PRKCH: variants seen among roughly 807,000 people sequenced by gnomAD.
PRKCH encodes the protein protein kinase C eta type.
A neutral mutation model predicts 82.5 loss-of-function variants in PRKCH; 28 were observed. The ratio of observed to expected loss-of-function variants is 0.34; its 90% CI spans 0.25 to 0.47. The LOEUF is 0.47. Among genes scored for constraint, PRKCH ranks in the 20% least tolerant of loss-of-function variants. The pLI is 1.00. For synonymous variants in PRKCH, 322 were observed against 327.4 expected (o/e 0.98, Z 0.18); for missense variants, 705 against 881.8 (o/e 0.80, Z 2.54).
At chr14:61,203,478 A>G (rs1566779258) in intron 1 of PRKCH, among the ~76,000 whole-genome samples, 1 of 152,090 alleles carries the variant, frequency 6.6e-6, no homozygotes, top group Admixed American at 6.6e-5. Flanking sequence ...ACAGGACTGA[A>G]GATTTGTGAG....
At position 61,280,946 on chromosome 14, in the gene PRKCH, T is replaced by TATA. The variant is rs1407965306; in HGVS notation, c.-19+93279_-19+93281dup. 6.5e-7 allele frequency: 1 copy of TATA among 1,542,542 alleles called. No individual in the cohort carries two copies. Among genetic ancestry groups the TATA allele is most frequent in the Non-Finnish European group, 8.7e-7 (1 of 1,147,724 alleles). ...CAGTTACCGGTGCCCGGGTCGCCTGTATAGTCGTACTCCAGCTCCTTGATG... is the reference window on the plus strand; with the variant it reads ...CAGTTACCGGTGCCCGGGTCGCCTGTATAATAGTCGTACTCCAGCTCCTTGATG... On this transcript the variant is annotated intron_variant, in intron 1 of 3. Transcript: ENST00000555185. This position sits in a 1 kb window ranked among gnomAD's most constrained non-coding sequence, Gnocchi z 5.0.
intron 1 of PRKCH, among the ~76,000 whole-genome samples, chr14:61,211,304 A>G (rs887121404): frequency 1.3e-5 from 2 of 152,228 alleles, no homozygotes; most frequent in Admixed American, 1.3e-4. Flanking sequence ...CATGGCACCT[A>G]CGCCAACCTT....
intron 2 of PRKCH, among the ~76,000 whole-genome samples, chr14:61,403,763 A>G (rs1881791513): frequency 6.6e-6 from 1 of 152,166 alleles, no homozygotes; most frequent in Non-Finnish European, 1.5e-5. Flanking sequence ...TCGCTTACTG[A>G]CTAGCATTCT....
At chr14:61,265,962 G>T (rs1162969496) in intron 1 of PRKCH, among the ~76,000 whole-genome samples, 1 of 152,180 alleles carries the variant, frequency 6.6e-6, no homozygotes, top group African/African-American at 2.4e-5. Context: ...AAGCGTGGTG[G>T]CATGCGCCTG....
chr14:61,498,770 A>G lies in PRKCH; in HGVS notation c.1433+13114A>G, dbSNP rs142830571. 9.5e-3 allele frequency among the ~76,000 whole-genome samples: 1,442 copies of G among 152,222 alleles called. 11 individuals are homozygous for G. The highest frequency in any genetic ancestry group is 0.014 in the Non-Finnish European group (944 of 68,016). On this transcript the variant is annotated intron_variant, in intron 10 of 13. Coordinates refer to ENST00000332981, the MANE Select transcript of PRKCH (RefSeq NM_006255.5). ...ACCTTTGTGGCCTCACCTAGCCCCA[A>G]TTATCTCCCAAAGGCCCTACCTCCA...
chr14:61,498,593 G>C (rs1886764947), intron 10 of PRKCH, among the ~76,000 whole-genome samples: 1 of 152,104 alleles, frequency 6.6e-6, no homozygotes, highest in South Asian at 2.1e-4. Flanking sequence ...CCAAGATCTG[G>C]GTGCTGGCCA....
At chr14:61,497,756 G>A (rs994136640) in intron 10 of PRKCH, among the ~76,000 whole-genome samples, 10 of 152,034 alleles carry the variant, frequency 6.6e-5, no homozygotes, top group African/African-American at 2.2e-4. Context: ...GTCCTTTTCA[G>A]TATAAGAGGA....
At chr14:61,509,745 A>AAAAAT (rs370369701) in intron 10 of PRKCH, among the ~76,000 whole-genome samples, 1 of 151,894 alleles carries the variant, frequency 6.6e-6, no homozygotes, top group Admixed American at 6.6e-5. Flanking sequence ...ATAAATAAAT[A>AAAAAT]AAAATAAAAT....
intron 1 of PRKCH, chr14:61,298,445 A>G (rs2045422319): frequency 6.6e-6 from 1 of 151,938 alleles, no homozygotes; most frequent in African/African-American, 2.4e-5. Context: ...TCATCCCTCA[A>G]CTTACCCAGG....
chr14:61,189,409 C>T (rs1014979657), intron 1 of PRKCH, among the ~76,000 whole-genome samples: 4 of 152,130 alleles, frequency 2.6e-5, no homozygotes, highest in African/African-American at 9.7e-5. Flanking sequence ...TAAGATATTC[C>T]CCTTCTCGGA....
intron 10 of PRKCH, among the ~76,000 whole-genome samples, chr14:61,506,141 A>T (rs572549015): frequency 5.3e-5 from 8 of 152,106 alleles, no homozygotes; most frequent in Non-Finnish European, 1.0e-4. Context: ...CAGCATTAGA[A>T]TTTTACTACC....
chr14:61,206,966 C>G (rs997627423), intron 1 of PRKCH, among the ~76,000 whole-genome samples: 2 of 151,892 alleles, frequency 1.3e-5, no homozygotes, highest in African/African-American at 4.8e-5. Flanking sequence ...ATTAGCCAGA[C>G]GTGGTGGTGC....
Position 61,321,965 on chromosome 14 carries a change from A to G in PRKCH, c.-137A>G. ...ACGGAGGAGGCAGAATGGCCAGTCG[A>G]GGGGCGCTTAGGCGCTGCCTTTCCC... On this transcript the variant is annotated 5_prime_UTR_variant, in exon 1 of 14. Coordinates refer to ENST00000332981, the MANE Select transcript of PRKCH (RefSeq NM_006255.5). The surrounding 1 kb of genome is among the most constrained non-coding windows in gnomAD (Gnocchi z 4.1). 1.1e-6 allele frequency: 1 copy of G among 918,912 alleles called. No individual in the cohort carries two copies. The highest frequency in any genetic ancestry group is 1.6e-6 in the Non-Finnish European group (1 of 630,466). The allele number at this position is 918,912 out of a possible 1,614,324, so 56.9% of individuals were successfully genotyped here.
intron 2 of PRKCH, among the ~76,000 whole-genome samples, chr14:61,421,167 G>A (rs1882816236): frequency 6.6e-6 from 1 of 151,364 alleles, no homozygotes; most frequent in Non-Finnish European, 1.5e-5. Flanking sequence ...GAGTTCCCAG[G>A]ATGCTTTTTG....
chr14:61,279,833 C>T, intron 1 of PRKCH: 1 of 484,956 alleles, frequency 2.1e-6, no homozygotes, highest in Non-Finnish European at 3.7e-6. Flanking sequence ...AAGAACCTCA[C>T]ATGGCAACTC....
chr14:61,241,011 G>T (rs961446139), intron 1 of PRKCH, among the ~76,000 whole-genome samples: 5 of 152,210 alleles, frequency 3.3e-5, no homozygotes, highest in African/African-American at 9.7e-5. Context: ...CACAGGTTGA[G>T]AACTCAGTTC....
intron 9 of PRKCH, among the ~76,000 whole-genome samples, chr14:61,461,465 C>T (rs1200624829): frequency 6.6e-6 from 1 of 152,140 alleles, no homozygotes; most frequent in Non-Finnish European, 1.5e-5. Context: ...AGCCAGGTGA[C>T]CTCTCAGATC....
chr14:61,338,590 TATGTCAGGA>T (rs2045888640), intron 1 of PRKCH, among the ~76,000 whole-genome samples: 2 of 152,166 alleles, frequency 1.3e-5, no homozygotes, highest in South Asian at 4.1e-4. Context: ...CAGCACACAC[TATGTCAGGA>T]ATGTATTAAT....
At chr14:61,519,984 G>A (rs539853428) in intron 10 of PRKCH, among the ~76,000 whole-genome samples, 27 of 150,588 alleles carry the variant, frequency 1.8e-4, no homozygotes, top group African/African-American at 5.9e-4. Flanking sequence ...TGGAGCCTGG[G>A]TTCCAAAAGA....
Sources: allele counts gnomAD v4.1 joint callset (sites outside exome capture counted in the v4.1 genomes callset), GRCh38; gene constraint gnomAD v4.1.1; non-coding constraint Gnocchi (gnomAD v3.1); transcripts MANE v1.5; gene names NCBI Gene and HGNC (gene_info 2026-07-23, HGNC 2026-07-21).